Variants in NUF2 observed in about 807,000 individuals in gnomAD.
The protein encoded by NUF2 is NUF2 component of NDC80 kinetochore complex.
In NUF2, 34 loss-of-function variants were observed where a neutral mutation model predicts 61.8. The ratio of observed to expected loss-of-function variants is 0.55; its 90% confidence interval spans 0.42 to 0.73. The LOEUF (loss-of-function observed/expected upper bound fraction) is 0.73, where lower values mean the gene tolerates loss of function less well. Ranked by LOEUF, NUF2 falls within the 30% of genes least tolerant of loss-of-function variation. The probability of loss-of-function intolerance (pLI) is 0.00; values close to 1 mark genes in which losing one functional copy is unlikely to be tolerated. For synonymous variants in NUF2, 172 were observed against 181.6 expected (o/e 0.95, Z 0.42); for missense variants, 445 against 539.1 (o/e 0.83, Z 1.73).
intron 7 of NUF2, 145 bp downstream of exon 7, chr1:163,338,238 A>T (rs1571386402): frequency 1.5e-4 from 14 of 94,586 alleles, no homozygotes; most frequent in South Asian, 3.2e-4. Flanking sequence ...GCCTTTTCTT[A>T]AAAAAAAAAA....
intron 1 of NUF2, among the ~76,000 whole-genome samples, chr1:163,325,777 C>G (rs1260891931): frequency 6.6e-6 from 1 of 152,098 alleles, no homozygotes; most frequent in Non-Finnish European, 1.5e-5. Context: ...TCCTCCTTCC[C>G]AAATGTGTTG....
At chr1:163,328,982 A>T in intron 5 of NUF2, 75 bp downstream of exon 5, 1 of 726,472 alleles carries the variant, frequency 1.4e-6, no homozygotes, top group Non-Finnish European at 2.2e-6. Context: ...TAAATGTAAA[A>T]AAAAAAAAAA....
At chr1:163,346,005 A>G in intron 11 of NUF2, 187 bp downstream of exon 11, 1 of 425,550 alleles carries the variant, frequency 2.3e-6, no homozygotes, top group East Asian at 3.7e-5. Flanking sequence ...AGCAAGACCC[A>G]ATTTTTAACC....
chr1:163,349,858 G>A (rs1229741223), intron 13 of NUF2, among the ~76,000 whole-genome samples: 1 of 151,760 alleles, frequency 6.6e-6, no homozygotes. Flanking sequence ...AAATGGTTGG[G>A]ATTTCACGTC....
intron 5 of NUF2, among the ~76,000 whole-genome samples, chr1:163,332,711 A>C (rs1388390012): frequency 1.3e-5 from 2 of 152,276 alleles, no homozygotes; most frequent in African/African-American, 4.8e-5. Context: ...TTCTGTGTAT[A>C]GTCCAATCTC....
At chr1:163,345,035 GAA>G (rs1472098399) in intron 10 of NUF2, among the ~76,000 whole-genome samples, 2 of 152,110 alleles carry the variant, frequency 1.3e-5, no homozygotes, top group South Asian at 2.1e-4. Flanking sequence ...ATTAAGATTG[GAA>G]ACAGAAAATC....
chr1:163,348,946 G>C lies in NUF2; in HGVS notation c.1126G>C (p.Asp376His). The C allele has an allele frequency of 6.2e-7, 1 of 1,601,098 alleles. No individual in the cohort carries two copies. The highest frequency in any genetic ancestry group is 8.5e-7 in the Non-Finnish European group (1 of 1,177,044). ...VKQYKRTVIE[D>H]CNKVQEKRGA... ...TTAGCTGTCTCGATTTTCTTTCAGG[G>C]ATTGCAATAAAGTTCAAGAAAAAAG... Residue 376 changes from aspartate (D) to histidine (H), a missense_variant and splice_region_variant, in exon 13 of 14, where the codon GAT becomes CAT. By Grantham distance (81) the Asp-to-His change is moderately conservative. Transcript: ENST00000271452.
chr1:163,341,886 T>G (rs1366085670), intron 9 of NUF2, among the ~76,000 whole-genome samples: 2 of 152,148 alleles, frequency 1.3e-5, no homozygotes, highest in Non-Finnish European at 2.9e-5. Flanking sequence ...CACCTCGGCC[T>G]CTGAAAGTGC....
At position 163,355,333 on chromosome 1, in the gene NUF2, A is replaced by G. The variant is rs1651451986; in HGVS notation, c.1261-2A>G. The stretch of plus-strand genomic sequence containing the variant: ...TATTATTCTGTTTCATTTTCTACTT[A>G]GGAAATATTTCTAAACTTGAAAACT... On this transcript the variant is annotated splice_acceptor_variant, in intron 13 of 13. Coordinates refer to ENST00000271452, the MANE Select transcript of NUF2 (RefSeq NM_145697.3). LOFTEE classifies it high-confidence loss of function. 4 of 1,593,682 alleles carry G rather than the reference A, an allele frequency of 2.5e-6. No homozygotes were observed. The highest frequency in any genetic ancestry group is 1.7e-6 in the Non-Finnish European group (2 of 1,170,576).
intron 13 of NUF2, 38 bp from the exon 14 acceptor site, chr1:163,355,297 C>T: frequency 6.7e-7 from 1 of 1,492,238 alleles, no homozygotes; most frequent in Non-Finnish European, 9.1e-7. Context: ...TAGGTTGTTG[C>T]ATGGAATAAT....
At chr1:163,334,383 T>C (rs1364418449) in intron 5 of NUF2, among the ~76,000 whole-genome samples, 1 of 152,224 alleles carries the variant, frequency 6.6e-6, no homozygotes, top group Non-Finnish European at 1.5e-5. Flanking sequence ...GTACACCAAA[T>C]TTCCATCTGG....
At chr1:163,352,604 C>G (rs558910821) in intron 13 of NUF2, among the ~76,000 whole-genome samples, 1 of 152,186 alleles carries the variant, frequency 6.6e-6, no homozygotes, top group Non-Finnish European at 1.5e-5. Flanking sequence ...TGGTGGCTCA[C>G]GCCTGTAATC....
intron 4 of NUF2, 70 bp downstream of exon 4, chr1:163,328,374 C>A: frequency 9.2e-6 from 9 of 975,080 alleles, no homozygotes; most frequent in Non-Finnish European, 1.4e-5. Flanking sequence ...TTCTTAATGA[C>A]ATGGTTTTCT....
At chr1:163,347,715 A>G in intron 11 of NUF2, 48 bp from the exon 12 acceptor site, 1 of 1,167,458 alleles carries the variant, frequency 8.6e-7, no homozygotes, top group Non-Finnish European at 1.2e-6. Flanking sequence ...TTTTATTTCT[A>G]AATCCTAATT....
intron 3 of NUF2, chr1:163,327,856 A>G (rs1445289068): frequency 7.7e-6 from 3 of 387,186 alleles, no homozygotes; most frequent in African/African-American, 6.3e-5. Context: ...TTCAGAGACT[A>G]CAATAAACAA....
intron 12 of NUF2, 61 bp downstream of exon 12, chr1:163,347,999 T>A: frequency 8.0e-7 from 1 of 1,248,866 alleles, no homozygotes; most frequent in Non-Finnish European, 1.1e-6. Context: ...AAATACATTT[T>A]TCCCCCAGGA....
intron 1 of NUF2, among the ~76,000 whole-genome samples, chr1:163,325,532 A>G (rs1000497986): frequency 6.6e-6 from 1 of 152,024 alleles, no homozygotes; most frequent in Non-Finnish European, 1.5e-5. Flanking sequence ...TCTCTCTTCT[A>G]TTTGCATCTA....
At chr1:163,328,631 ATACTT>A in intron 4 of NUF2, 1 of 506,304 alleles carries the variant, frequency 2.0e-6, no homozygotes. Context: ...ATCTGTAACT[ATACTT>A]TAGTATTGCA....
At chr1:163,327,005 C>T (rs980962045) in intron 2 of NUF2, among the ~76,000 whole-genome samples, 1 of 152,040 alleles carries the variant, frequency 6.6e-6, no homozygotes, top group African/African-American at 2.4e-5. Flanking sequence ...CTATATAACC[C>T]TATTACATTT....
Sources: gnomAD v4.1 joint callset for allele counts (sites outside exome capture counted in the v4.1 genomes callset) on GRCh38, gnomAD v4.1.1 for gene constraint, MANE v1.5 for transcripts, NCBI Gene and HGNC (gene_info 2026-07-23, HGNC 2026-07-21) for gene names.